The following COBL variants were observed in gnomAD, a reference collection of about 807,000 sequenced individuals.
COBL encodes the protein cordon-bleu WH2 repeat protein, also known as protein cordon-bleu.
In COBL, 51 loss-of-function variants were observed where a neutral mutation model predicts 98.8. The ratio of observed to expected loss-of-function variants is 0.52; its 90% confidence interval spans 0.41 to 0.65. The LOEUF (loss-of-function observed/expected upper bound fraction) is 0.65, where lower values mean the gene tolerates loss of function less well. Among genes scored for constraint, COBL ranks in the 30% least tolerant of loss-of-function variants. COBL has a pLI of 0.00. For missense variants in COBL, 1,617 were observed against 1,617.5 expected (o/e 1.00, Z 0.01); for synonymous variants, 634 against 651.7 (o/e 0.97, Z 0.41).
chr7:51,292,203 T>C (rs1236437759), intron 1 of COBL, among the ~76,000 whole-genome samples: 1 of 152,090 alleles, frequency 6.6e-6, no homozygotes, highest in Non-Finnish European at 1.5e-5. Flanking sequence ...CCAAAGCTCA[T>C]TAATGGACCC....
At chr7:51,227,745 C>T (rs1195427962) in intron 1 of COBL, among the ~76,000 whole-genome samples, 1 of 152,154 alleles carries the variant, frequency 6.6e-6, no homozygotes, top group African/African-American at 2.4e-5. Context: ...TTTCTTGGAG[C>T]TCAGCACCTC....
At chr7:51,018,560 A>C (rs1341375321) in intron 12 of COBL, 1 of 151,994 alleles carries the variant, frequency 6.6e-6, no homozygotes, top group Non-Finnish European at 1.5e-5. Context: ...GCCTGGGACC[A>C]CTTTAAATGT....
At chr7:51,108,839 A>G (rs1394815978) in intron 6 of COBL, among the ~76,000 whole-genome samples, 5 of 151,926 alleles carry the variant, frequency 3.3e-5, no homozygotes, top group African/African-American at 1.2e-4. Flanking sequence ...ATAGCTCTCC[A>G]GTACCTCCTT....
chr7:51,228,044 G>A (rs1318499798), intron 1 of COBL, among the ~76,000 whole-genome samples: 1 of 152,148 alleles, frequency 6.6e-6, no homozygotes, highest in Non-Finnish European at 1.5e-5. Context: ...CCACATTTCA[G>A]GGCACACAAA....
chr7:51,156,050 A>T (rs1225763309), intron 5 of COBL, among the ~76,000 whole-genome samples: 1 of 152,232 alleles, frequency 6.6e-6, no homozygotes, highest in Non-Finnish European at 1.5e-5. Context: ...TAATTTGCTT[A>T]TAGTTTTTGC....
intron 7 of COBL, chr7:51,064,330 A>ATTTT (rs1791682035): frequency 6.6e-6 from 1 of 150,752 alleles, no homozygotes. Context: ...AGGCAAAGAT[A>ATTTT]TGCTGGATTC....
chr7:51,186,009 G>A (rs1789464249), intron 4 of COBL, among the ~76,000 whole-genome samples: 1 of 152,240 alleles, frequency 6.6e-6, no homozygotes, highest in South Asian at 2.1e-4. Context: ...ACATCGCACA[G>A]TACCCAAATC....
intron 7 of COBL, chr7:51,064,557 G>C (rs1216053760): frequency 6.6e-6 from 1 of 152,478 alleles, no homozygotes; most frequent in African/African-American, 2.4e-5. Flanking sequence ...CTACAATATG[G>C]ATAAACTTCG....
chr7:51,263,351 T>C (rs1797891104), intron 1 of COBL, among the ~76,000 whole-genome samples: 3 of 152,124 alleles, frequency 2.0e-5, no homozygotes, highest in Admixed American at 6.5e-5. Context: ...AGCAAATGGA[T>C]TGTTTTAAGC....
chr7:51,312,589 A>T (rs1803163325), intron 1 of COBL, among the ~76,000 whole-genome samples: 1 of 152,196 alleles, frequency 6.6e-6, no homozygotes, highest in Admixed American at 6.5e-5. Context: ...TGCATCCTAT[A>T]ATCATTGTTT....
rs1802136991 is a variant in COBL, at chr7:51,303,124, A to AC, written c.41+13468_41+13469insG. Among the ~76,000 whole-genome samples the AC allele has an allele frequency of 3.3e-5, 5 of 152,360 alleles. No individual in the cohort carries two copies. In the East Asian group the frequency reaches 9.6e-4, roughly 29 times the overall value. On this transcript the variant is annotated intron_variant, in intron 1 of 12. Coordinates refer to ENST00000265136, the MANE Select transcript of COBL (RefSeq NM_015198.5). ...TTAATGTTTCCCCGAGCCTCATGAC[A>AC]AAGTTAACACAATAGATCATACTTT...
At chr7:51,075,147 T>C (rs1014773666) in intron 7 of COBL, among the ~76,000 whole-genome samples, 1 of 152,246 alleles carries the variant, frequency 6.6e-6, no homozygotes, top group Non-Finnish European at 1.5e-5. Context: ...GGAAAATGGA[T>C]GTACAACTCA....
chr7:51,059,937 T>C (rs1220098451), intron 7 of COBL, among the ~76,000 whole-genome samples: 1 of 152,194 alleles, frequency 6.6e-6, no homozygotes, highest in East Asian at 1.9e-4. Context: ...TGGTCCTCCA[T>C]GCCTGTGTAG....
At position 51,201,727 on chromosome 7, in the gene COBL, A is replaced by G. The variant is rs567659718; in HGVS notation, c.246-8138T>C. ...CAAGTTAGGTGTCAAAAGAGGTCTG[A>G]AAATTTTAGTAAGATCAAAATCTTC... On this transcript the variant is annotated intron_variant, in intron 2 of 12. Coordinates refer to ENST00000265136, the MANE Select transcript of COBL (RefSeq NM_015198.5). Among the ~76,000 whole-genome samples, 386 of 152,344 alleles carry G rather than the reference A, an allele frequency of 2.5e-3. 1 individual carries two copies. The highest frequency in any genetic ancestry group is 4.1e-3 in the Non-Finnish European group (282 of 68,024).
At chr7:51,270,951 G>A (rs1386870749) in intron 1 of COBL, among the ~76,000 whole-genome samples, 1 of 152,110 alleles carries the variant, frequency 6.6e-6, no homozygotes, top group Non-Finnish European at 1.5e-5. Flanking sequence ...TTCCTATACA[G>A]ACAGTAGGGG....
At chr7:51,306,924 A>T (rs1802528117) in intron 1 of COBL, among the ~76,000 whole-genome samples, 1 of 152,238 alleles carries the variant, frequency 6.6e-6, no homozygotes, top group South Asian at 2.1e-4. Flanking sequence ...GAGCTAGAGC[A>T]GTAGCTTTCA....
At chr7:51,055,222 G>A (rs1176954353) in intron 7 of COBL, among the ~76,000 whole-genome samples, 2 of 152,066 alleles carry the variant, frequency 1.3e-5, no homozygotes, top group South Asian at 2.1e-4. Context: ...GCCCCAGCGC[G>A]CATCCTTCCT....
chr7:51,030,187 G>A lies in COBL; in HGVS notation c.1505-596C>T, dbSNP rs541759268. Among the ~76,000 whole-genome samples, 10 of 152,288 alleles carry A rather than the reference G, an allele frequency of 6.6e-5. No individual in the cohort carries two copies. In the East Asian group the frequency reaches 9.6e-4, roughly 15 times the overall value. On this transcript the variant is annotated intron_variant, in intron 9 of 12. Coordinates refer to ENST00000265136, the MANE Select transcript of COBL (RefSeq NM_015198.5). ...AAAGTGAGTCAGACAAAAACTACTC[G>A]TCAGTTTTGCAGTCTGTTATCTTCT...
chr7:51,230,271 C>A (rs1179808468), intron 1 of COBL, among the ~76,000 whole-genome samples: 1 of 152,224 alleles, frequency 6.6e-6, no homozygotes, highest in Non-Finnish European at 1.5e-5. Context: ...CCTAACAACA[C>A]CCAATGAAGA....
Sources: gnomAD v4.1 joint callset for allele counts (sites outside exome capture counted in the v4.1 genomes callset) on GRCh38, gnomAD v4.1.1 for gene constraint, MANE v1.5 for transcripts, NCBI Gene and HGNC (gene_info 2026-07-23, HGNC 2026-07-21) for gene names.